CYP7B1: variants seen among roughly 807,000 people sequenced by gnomAD.
CYP7B1 encodes the protein cytochrome P450 7B1.
CYP7B1 carries 29 observed loss-of-function variants against 42.7 expected under a neutral mutation model. That is an observed-to-expected ratio of 0.68 (90% CI 0.51 to 0.93). The LOEUF (loss-of-function observed/expected upper bound fraction) is 0.93, where lower values mean the gene tolerates loss of function less well. Among genes scored for constraint, CYP7B1 ranks in the 40% least tolerant of loss-of-function variants. The pLI is 0.00. For missense variants in CYP7B1, 655 were observed against 600.5 expected (o/e 1.09, Z -0.95); for synonymous variants, 235 against 218.2 (o/e 1.08, Z -0.68).
intron 1 of CYP7B1, among the ~76,000 whole-genome samples, chr8:64,796,604 A>G (rs1277940069): frequency 6.6e-6 from 1 of 152,154 alleles, no homozygotes; most frequent in East Asian, 1.9e-4. Flanking sequence ...CAACTCCACC[A>G]TCTTACATAA....
At chr8:64,668,169 A>G (rs912927743) in intron 1 of CYP7B1, among the ~76,000 whole-genome samples, 6 of 152,210 alleles carry the variant, frequency 3.9e-5, no homozygotes, top group African/African-American at 1.4e-4. Flanking sequence ...ATGGGTCTAC[A>G]GATTCATCAC....
At chr8:64,720,252 G>A (rs1407215965) in intron 1 of CYP7B1, among the ~76,000 whole-genome samples, 1 of 152,100 alleles carries the variant, frequency 6.6e-6, no homozygotes, top group Non-Finnish European at 1.5e-5. Flanking sequence ...TGTCGAAGAT[G>A]GTTGTTGCCA....
intron 1 of CYP7B1, among the ~76,000 whole-genome samples, chr8:64,785,788 T>G (rs1251971249): frequency 2.0e-5 from 3 of 152,142 alleles, no homozygotes; most frequent in Non-Finnish European, 2.9e-5. Context: ...CTGTATTAGT[T>G]CATTTTCATG....
At chr8:64,722,397 T>C (rs1279487254) in intron 1 of CYP7B1, among the ~76,000 whole-genome samples, 1 of 152,142 alleles carries the variant, frequency 6.6e-6, no homozygotes, top group African/African-American at 2.4e-5. Flanking sequence ...TTCAAACAAA[T>C]TCATTTTAAT....
intron 1 of CYP7B1, among the ~76,000 whole-genome samples, chr8:64,765,969 T>G (rs1807967491): frequency 6.6e-6 from 1 of 152,226 alleles, no homozygotes; most frequent in Non-Finnish European, 1.5e-5. Context: ...ATATTGTTAC[T>G]GCTAGATTAG....
intron 4 of CYP7B1, among the ~76,000 whole-genome samples, chr8:64,606,545 G>A (rs189779304): frequency 6.6e-6 from 1 of 152,296 alleles, no homozygotes; most frequent in East Asian, 1.9e-4. Flanking sequence ...ATAACAGTCC[G>A]AATAACATGG....
At chr8:64,704,649 CA>C (rs980883383) in intron 1 of CYP7B1, among the ~76,000 whole-genome samples, 2 of 151,980 alleles carry the variant, frequency 1.3e-5, no homozygotes, top group African/African-American at 4.8e-5. Context: ...AACATCAAAG[CA>C]GAAAAGTCTT....
chr8:64,604,581 C>A, intron 5 of CYP7B1, 101 bp downstream of exon 5: 4 of 1,376,886 alleles, frequency 2.9e-6, no homozygotes, highest in Non-Finnish European at 4.1e-6. Context: ...CTGCCTCAAA[C>A]CCCTTCTGGA....
chr8:64,672,754 A>G (rs1406666488), intron 1 of CYP7B1, among the ~76,000 whole-genome samples: 1 of 152,088 alleles, frequency 6.6e-6, no homozygotes, highest in African/African-American at 2.4e-5. Context: ...CTGACTTGCA[A>G]TTTATGTTTC....
At chr8:64,625,499 G>C (rs965723171) in intron 1 of CYP7B1, among the ~76,000 whole-genome samples, 2 of 152,210 alleles carry the variant, frequency 1.3e-5, no homozygotes, top group Non-Finnish European at 2.9e-5. Context: ...TTATAATATC[G>C]ATAAAAAACA....
chr8:64,761,764 T>A (rs1414675055), intron 1 of CYP7B1, among the ~76,000 whole-genome samples: 1 of 152,124 alleles, frequency 6.6e-6, no homozygotes, highest in South Asian at 2.1e-4. Context: ...TAGGAGTTGG[T>A]CTATTTCTAG....
intron 2 of CYP7B1, among the ~76,000 whole-genome samples, chr8:64,622,487 A>G (rs1008182937): frequency 3.3e-5 from 5 of 152,244 alleles, no homozygotes; most frequent in African/African-American, 9.6e-5. Context: ...AACCAGGTAG[A>G]GAGGTCTAGG....
At chr8:64,655,163 T>A (rs2129631284) in intron 1 of CYP7B1, among the ~76,000 whole-genome samples, 1 of 152,148 alleles carries the variant, frequency 6.6e-6, no homozygotes, top group East Asian at 1.9e-4. Context: ...AAGCAAAAAT[T>A]GACAAACAGG....
At chr8:64,742,989 T>G (rs1478260411) in intron 1 of CYP7B1, among the ~76,000 whole-genome samples, 1 of 152,222 alleles carries the variant, frequency 6.6e-6, no homozygotes, top group East Asian at 1.9e-4. Context: ...AATTTTGTAT[T>G]GCTACTTTGA....
At chr8:64,771,585 C>T (rs1288076574) in intron 1 of CYP7B1, among the ~76,000 whole-genome samples, 4 of 152,134 alleles carry the variant, frequency 2.6e-5, no homozygotes, top group Non-Finnish European at 5.9e-5. Context: ...AGGAGTAAAA[C>T]TAAAACTGGC....
chr8:64,775,422 T>G (rs752639043), intron 1 of CYP7B1, among the ~76,000 whole-genome samples: 8 of 152,168 alleles, frequency 5.3e-5, no homozygotes, highest in African/African-American at 7.2e-5. Flanking sequence ...ATAATGACTA[T>G]AAAGAAAATA....
intron 1 of CYP7B1, among the ~76,000 whole-genome samples, chr8:64,724,537 A>C (rs1807293580): frequency 6.6e-6 from 1 of 152,224 alleles, no homozygotes; most frequent in Non-Finnish European, 1.5e-5. Context: ...GTAATAGTTA[A>C]ATAATCAGAT....
chr8:64,787,704 A>G (rs1196467292), intron 1 of CYP7B1, among the ~76,000 whole-genome samples: 1 of 152,162 alleles, frequency 6.6e-6, no homozygotes. Context: ...TATTTTTGGG[A>G]ATCTGTATAG....
intron 1 of CYP7B1, among the ~76,000 whole-genome samples, chr8:64,636,232 G>A (rs995449429): frequency 1.3e-5 from 2 of 152,082 alleles, no homozygotes; most frequent in East Asian, 1.9e-4. Context: ...TACCCAGAAC[G>A]AGGGTGCTGT....
Sources: allele counts gnomAD v4.1 joint callset (sites outside exome capture counted in the v4.1 genomes callset), GRCh38; gene constraint gnomAD v4.1.1; transcripts MANE v1.5; gene names NCBI Gene and HGNC (gene_info 2026-07-23, HGNC 2026-07-21).